The following CDYL2 variants were observed in gnomAD, a reference collection of about 807,000 sequenced individuals.
CDYL2 encodes chromodomain Y-like protein 2.
A neutral mutation model predicts 49.4 loss-of-function variants in CDYL2; 23 were observed. The observed-to-expected ratio is 0.47, with a 90% CI of 0.34 to 0.66. The LOEUF (loss-of-function observed/expected upper bound fraction) is 0.66. Ranked by LOEUF, CDYL2 falls within the 30% of genes least tolerant of loss-of-function variation. The pLI is 0.01. For synonymous variants in CDYL2, 360 were observed against 268.8 expected (o/e 1.34, Z -3.32); for missense variants, 678 against 656.4 (o/e 1.03, Z -0.36).
chr16:80,760,352 G>T (rs953050188), intron 1 of CDYL2, among the ~76,000 whole-genome samples: 3 of 152,176 alleles, frequency 2.0e-5, no homozygotes, highest in Non-Finnish European at 4.4e-5. Flanking sequence ...GTGGGGGGTT[G>T]GAGGGGAGAT....
intron 1 of CDYL2, among the ~76,000 whole-genome samples, chr16:80,771,085 A>G (rs1273667321): frequency 4.6e-5 from 7 of 152,176 alleles, no homozygotes; most frequent in Non-Finnish European, 8.8e-5. Context: ...ATTCATCTGA[A>G]CTCCCCAGAA....
chr16:80,794,029 G>T (rs796867806), intron 1 of CDYL2, among the ~76,000 whole-genome samples: 1 of 152,152 alleles, frequency 6.6e-6, no homozygotes, highest in Admixed American at 6.5e-5. Flanking sequence ...GGAATCTCAG[G>T]ATATTCTTCA....
chr16:80,659,576 T>C (rs1908957895), intron 2 of CDYL2, among the ~76,000 whole-genome samples: 1 of 151,842 alleles, frequency 6.6e-6, no homozygotes, highest in Non-Finnish European at 1.5e-5. Context: ...AAAAGAACAA[T>C]TTGTATATAG....
chr16:80,623,704 TG>T (rs1196304767), intron 3 of CDYL2, among the ~76,000 whole-genome samples: 3 of 152,200 alleles, frequency 2.0e-5, no homozygotes, highest in Non-Finnish European at 2.9e-5. Context: ...ATTTTATGAA[TG>T]ACAAAATCAA....
At chr16:80,722,935 G>C (rs573014746) in intron 1 of CDYL2, among the ~76,000 whole-genome samples, 1 of 152,230 alleles carries the variant, frequency 6.6e-6, no homozygotes, top group Non-Finnish European at 1.5e-5. Flanking sequence ...GAGAAGACTC[G>C]GGAGTTGGCC....
At chr16:80,790,966 T>C (rs1002809710) in intron 1 of CDYL2, among the ~76,000 whole-genome samples, 1 of 152,188 alleles carries the variant, frequency 6.6e-6, no homozygotes, top group Non-Finnish European at 1.5e-5. Flanking sequence ...AAATCACCAG[T>C]TTTAGCATCT....
At chr16:80,714,917 T>C (rs563907461) in intron 1 of CDYL2, among the ~76,000 whole-genome samples, 2 of 152,234 alleles carry the variant, frequency 1.3e-5, no homozygotes, top group South Asian at 2.1e-4. Context: ...TTAAAAGGTG[T>C]TTCCATCTGT....
intron 1 of CDYL2, among the ~76,000 whole-genome samples, chr16:80,777,926 C>G (rs1467780808): frequency 6.6e-6 from 1 of 151,844 alleles, no homozygotes; most frequent in African/African-American, 2.4e-5. Flanking sequence ...TCTAAACACT[C>G]ACAGCTGCTG....
chr16:80,712,951 C>G (rs955444378), intron 1 of CDYL2, among the ~76,000 whole-genome samples: 1 of 152,150 alleles, frequency 6.6e-6, no homozygotes, highest in African/African-American at 2.4e-5. Flanking sequence ...ACAGAAGGGA[C>G]AAGAGGAAGG....
chr16:80,666,491 G>A (rs1456015814), intron 2 of CDYL2, among the ~76,000 whole-genome samples: 2 of 152,132 alleles, frequency 1.3e-5, no homozygotes, highest in Non-Finnish European at 2.9e-5. Flanking sequence ...ATGGGGGAGG[G>A]AGCCTGGCGC....
intron 1 of CDYL2, among the ~76,000 whole-genome samples, chr16:80,685,452 G>C (rs931399408): frequency 9.9e-5 from 15 of 152,196 alleles, no homozygotes; most frequent in Non-Finnish European, 1.3e-4. Flanking sequence ...TTTCACAAGA[G>C]ATCTTTATTC....
chr16:80,746,356 G>C (rs1905930285), intron 1 of CDYL2, among the ~76,000 whole-genome samples: 1 of 152,178 alleles, frequency 6.6e-6, no homozygotes, highest in Non-Finnish European at 1.5e-5. Flanking sequence ...AGTGAATTGT[G>C]CTGTGGGAAG....
chr16:80,755,530 C>T (rs1403376575), intron 1 of CDYL2, among the ~76,000 whole-genome samples: 1 of 152,206 alleles, frequency 6.6e-6, no homozygotes, highest in Non-Finnish European at 1.5e-5. Flanking sequence ...CCAAATCTAT[C>T]AAAAGCCTAG....
chr16:80,624,419 C>A (rs1382867664), intron 3 of CDYL2, among the ~76,000 whole-genome samples: 1 of 152,112 alleles, frequency 6.6e-6, no homozygotes, highest in Non-Finnish European at 1.5e-5. Context: ...GAAGAATCCA[C>A]AAGATAAAAA....
rs1906074076 is a variant in CDYL2, at chr16:80,601,341, C to G, written c.*3047G>C. 6.6e-6 allele frequency: 1 copy of G among 152,230 alleles called. No homozygotes were observed. The allele number at this position is 152,230 out of a possible 1,614,324, so 9.4% of individuals were successfully genotyped here. A position where few individuals can be genotyped will look rare whatever the true frequency, so the allele number is the denominator to read the frequency against. ...AGTGGATTGCTAGAAAGGTCCCTGA[C>G]TAAAGAGGTGTCCTCAATTGCCCAC... On this transcript the variant is annotated 3_prime_UTR_variant, in exon 7 of 7. Transcript: ENST00000570137.
At chr16:80,646,485 G>A (rs928447983) in intron 2 of CDYL2, among the ~76,000 whole-genome samples, 1 of 151,834 alleles carries the variant, frequency 6.6e-6, no homozygotes, top group African/African-American at 2.4e-5. Flanking sequence ...AAGACAGAGT[G>A]GCTGAATTAA....
rs752332994 is a variant in CDYL2, at chr16:80,633,072, T to C, written c.781A>G (p.Thr261Ala). The C allele has an allele frequency of 4.3e-6, 7 of 1,614,070 alleles. No homozygotes were observed. The highest frequency in any genetic ancestry group is 3.4e-6 in the Non-Finnish European group (4 of 1,180,028). The change falls in exon 3 of 7, where the codon ACG becomes GCG. Residue 261 changes from threonine to alanine, a missense_variant. Around this residue, in one of 3 missense-constraint regions of CDYL2, gnomAD observed 478 missense variants for 427.0 expected, o/e 1.12. Transcript: ENST00000570137. ...GTCTGACTGGACAGCAGGATGTGCG[T>C]GAACCCTTCTTCCTTCCGCACAACG... Reference protein sequence around the residue: ...DIVVRKEEGFTHILLSSQTSD... With the variant: ...DIVVRKEEGFAHILLSSQTSD...
At chr16:80,695,813 T>C (rs1910594452) in intron 1 of CDYL2, among the ~76,000 whole-genome samples, 1 of 152,148 alleles carries the variant, frequency 6.6e-6, no homozygotes, top group East Asian at 1.9e-4. Context: ...AGTTGAGACC[T>C]TCAACACACC....
intron 2 of CDYL2, among the ~76,000 whole-genome samples, chr16:80,644,892 G>C (rs995317746): frequency 6.6e-6 from 1 of 152,134 alleles, no homozygotes; most frequent in African/African-American, 2.4e-5. Context: ...ATGGGGAAAG[G>C]ATTCCCCATT....
Sources: gnomAD v4.1 joint callset for allele counts (sites outside exome capture counted in the v4.1 genomes callset) on GRCh38, gnomAD v4.1.1 for gene constraint, gnomAD v4.1.1 regional missense constraint, MANE v1.5 for transcripts, NCBI Gene and HGNC (gene_info 2026-07-23, HGNC 2026-07-21) for gene names.